The following SLCO2B1 variants were observed in gnomAD, a reference collection of about 807,000 sequenced individuals.
SLCO2B1 encodes solute carrier organic anion transporter family member 2B1, also known as OATP-RP2.
A neutral mutation model predicts 67.3 loss-of-function variants in SLCO2B1; 41 were observed. The ratio of observed to expected loss-of-function variants is 0.61; its 90% CI spans 0.47 to 0.79. The LOEUF (loss-of-function observed/expected upper bound fraction) is 0.79, where lower values mean the gene tolerates loss of function less well. Among genes scored for constraint, SLCO2B1 ranks in the 30% least tolerant of loss-of-function variants. The pLI is 0.00. For synonymous variants in SLCO2B1, 379 were observed against 381.4 expected (o/e 0.99, Z 0.07); for missense variants, 837 against 920.1 (o/e 0.91, Z 1.17).
At chr11:75,153,640 A>G (rs1949715459) in intron 1 of SLCO2B1, among the ~76,000 whole-genome samples, 1 of 152,168 alleles carries the variant, frequency 6.6e-6, no homozygotes, top group Non-Finnish European at 1.5e-5. Flanking sequence ...TAGCACTGCA[A>G]ATGCTTAGAA....
intron 10 of SLCO2B1, 104 bp downstream of exon 10, chr11:75,196,783 C>G: frequency 9.8e-7 from 1 of 1,021,478 alleles, no homozygotes; most frequent in Non-Finnish European, 1.4e-6. Context: ...CACTCTGTAG[C>G]TCTCGTCTCT....
chr11:75,196,800 C>G, intron 10 of SLCO2B1, 121 bp downstream of exon 10: 1 of 919,288 alleles, frequency 1.1e-6, no homozygotes, highest in Non-Finnish European at 1.6e-6. Context: ...CTCTCTGTCT[C>G]TCTCTGTTGG....
At chr11:75,183,157 A>G (rs1316933109) in intron 7 of SLCO2B1, among the ~76,000 whole-genome samples, 1 of 152,274 alleles carries the variant, frequency 6.6e-6, no homozygotes, top group East Asian at 1.9e-4. Flanking sequence ...ATTAATTTTA[A>G]TAATACATTT....
At chr11:75,172,273 T>C in intron 6 of SLCO2B1, 106 bp from the exon 7 acceptor site, 1 of 1,032,214 alleles carries the variant, frequency 9.7e-7, no homozygotes, top group Non-Finnish European at 1.4e-6. Context: ...GTCTCCTGAC[T>C]CCCAGCCTGG....
chr11:75,181,372 CAA>C (rs11369857), intron 7 of SLCO2B1, among the ~76,000 whole-genome samples: 11 of 128,650 alleles, frequency 8.6e-5, no homozygotes, highest in Non-Finnish European at 9.6e-5. Flanking sequence ...GACTCTGCCT[CAA>C]AAAAAAAAAA....
chr11:75,157,207 T>C (rs111609008), intron 1 of SLCO2B1: 8 of 152,236 alleles, frequency 5.3e-5, no homozygotes, highest in Admixed American at 6.5e-5. Context: ...GGCTGATCCA[T>C]CTTTCAGGAA....
At position 75,193,425 on chromosome 11, in the gene SLCO2B1, G is replaced by T; in HGVS notation, c.1283G>T (p.Gly428Val). ...TCGGTCATCGTGGGCATCGTGGTGG[G>T]TGGCGTCCTGGTCAAGCGGCTCCAC... is the stretch of plus-strand genomic sequence containing the variant. ...FPSVIVGIVV[G>V]GVLVKRLHLG... Residue 428 changes from glycine (G) to valine (V), a missense_variant, in exon 9 of 14, where the codon GGT becomes GTT. Transcript: ENST00000289575. This position sits in a 1 kb window ranked among gnomAD's most constrained non-coding sequence, Gnocchi z 4.2. 1.2e-6 allele frequency: 2 copies of T among 1,614,034 alleles called. No homozygotes were observed. The highest frequency in any genetic ancestry group is 1.7e-6 in the Non-Finnish European group (2 of 1,179,918).
At chr11:75,175,113 CA>C (rs1217789411) in intron 7 of SLCO2B1, among the ~76,000 whole-genome samples, 1 of 152,146 alleles carries the variant, frequency 6.6e-6, no homozygotes, top group Non-Finnish European at 1.5e-5. Flanking sequence ...TTCATTCTGT[CA>C]GCACACTGGG....
At chr11:75,179,324 G>A (rs748174944) in intron 7 of SLCO2B1, among the ~76,000 whole-genome samples, 5 of 136,782 alleles carry the variant, frequency 3.7e-5, no homozygotes, top group African/African-American at 8.3e-5. Flanking sequence ...CTCCGCCTCC[G>A]GGGTTCAAGC....
intron 5 of SLCO2B1, 116 bp downstream of exon 5, chr11:75,169,522 A>T: frequency 8.3e-7 from 1 of 1,208,140 alleles, no homozygotes. Context: ...CCATCTGGCC[A>T]GTAAAGGTCC....
At chr11:75,164,485 G>C (rs546536778) in intron 3 of SLCO2B1, among the ~76,000 whole-genome samples, 1 of 152,152 alleles carries the variant, frequency 6.6e-6, no homozygotes, top group African/African-American at 2.4e-5. Context: ...CAGAACCTCT[G>C]GGCCTTGGGA....
intron 7 of SLCO2B1, among the ~76,000 whole-genome samples, chr11:75,183,789 G>T (rs1178863290): frequency 6.6e-6 from 1 of 152,226 alleles, no homozygotes; most frequent in South Asian, 2.1e-4. Context: ...CTCCCAAAAT[G>T]CTGGAATTAC....
chr11:75,151,263 G>C lies in SLCO2B1; in HGVS notation c.-119G>C, dbSNP rs1949684129. On this transcript the variant is annotated 5_prime_UTR_variant, in exon 1 of 14. Coordinates refer to ENST00000289575, the MANE Select transcript of SLCO2B1 (RefSeq NM_007256.5). ...GAGCTCCCACCGTTATTGCATCCCT[G>C]CTGTGGCTCACCTGCTGCTGTCTCC... is the stretch of plus-strand genomic sequence containing the variant. The C allele has an allele frequency of 1.2e-6, 1 of 846,336 alleles. No individual in the cohort carries two copies. Among genetic ancestry groups the C allele is most frequent in the Non-Finnish European group, 1.9e-6 (1 of 519,064 alleles). 52.4% of individuals were successfully genotyped at this position (846,336 alleles called of 1,614,324 possible). A position where few individuals can be genotyped will look rare whatever the true frequency, so the allele number is the denominator to read the frequency against.
In SLCO2B1 at chr11:75,196,640, C is replaced by T. The variant is rs1310172704; in HGVS notation, c.1560C>T (p.Cys520=). 2.5e-6 allele frequency: 4 copies of T among 1,614,000 alleles called. No homozygotes were observed. Among genetic ancestry groups the T allele is most frequent in the Non-Finnish European group, 3.4e-6 (4 of 1,180,006 alleles). Residue 520 remains cysteine, a synonymous_variant, in exon 10 of 14, where the codon TGC becomes TGT. Coordinates refer to ENST00000289575, the MANE Select transcript of SLCO2B1 (RefSeq NM_007256.5). Reference sequence around the variant, plus strand: ...ACATCACACCCTGCCACGCAGGCTGCTCAAGCTGGGTGGTCCAGGATGCTC... The same window carrying T: ...ACATCACACCCTGCCACGCAGGCTGTTCAAGCTGGGTGGTCCAGGATGCTC... ...VEYITPCHAG[C]SSWVVQDALD...
At chr11:75,176,200 C>T (rs1317718063) in intron 7 of SLCO2B1, among the ~76,000 whole-genome samples, 1 of 152,210 alleles carries the variant, frequency 6.6e-6, no homozygotes, top group African/African-American at 2.4e-5. Flanking sequence ...TCTTCGTCCC[C>T]ATCTGTCCCT....
At chr11:75,200,647 C>A in intron 11 of SLCO2B1, 2 of 367,542 alleles carry the variant, frequency 5.4e-6, no homozygotes, top group Non-Finnish European at 9.7e-6. Flanking sequence ...TGGAATAGTA[C>A]TGGTTCCCTG....
chr11:75,201,844 G>A (rs1365983168), intron 11 of SLCO2B1: 1 of 152,160 alleles, frequency 6.6e-6, no homozygotes, highest in African/African-American at 2.4e-5. Context: ...ATGTAGGCAT[G>A]ATTGATTAAA....
chr11:75,181,372 C>CAAAA (rs11369857), intron 7 of SLCO2B1, among the ~76,000 whole-genome samples: 1 of 128,650 alleles, frequency 7.8e-6, no homozygotes, highest in Admixed American at 8.1e-5. Flanking sequence ...GACTCTGCCT[C>CAAAA]AAAAAAAAAA....
chr11:75,152,080 G>A (rs560801015), intron 1 of SLCO2B1, among the ~76,000 whole-genome samples: 3 of 152,340 alleles, frequency 2.0e-5, no homozygotes, highest in African/African-American at 7.2e-5. Context: ...TATAGAGTGG[G>A]GAGGAGGCTG....
Sources: gnomAD v4.1 joint callset for allele counts (sites outside exome capture counted in the v4.1 genomes callset) on GRCh38, gnomAD v4.1.1 for gene constraint, Gnocchi (gnomAD v3.1) non-coding constraint, MANE v1.5 for transcripts, NCBI Gene and HGNC (gene_info 2026-07-23, HGNC 2026-07-21) for gene names.